DGKG: variants seen among roughly 807,000 people sequenced by gnomAD.
DGKG encodes the protein diacylglycerol kinase gamma.
Under a neutral mutation model 105.3 loss-of-function variants are expected in DGKG, and 78 were observed. That is an observed-to-expected ratio of 0.74 (90% CI 0.62 to 0.89). DGKG has a LOEUF of 0.89. Ranked by LOEUF, DGKG falls within the 40% of genes least tolerant of loss-of-function variation. DGKG has a pLI of 0.00. For missense variants in DGKG, 958 were observed against 1,020.1 expected (o/e 0.94, Z 0.83); for synonymous variants, 346 against 367.1 (o/e 0.94, Z 0.66).
At chr3:186,220,096 G>T (rs749752623) in intron 20 of DGKG, among the ~76,000 whole-genome samples, 3 of 152,202 alleles carry the variant, frequency 2.0e-5, no homozygotes, top group Non-Finnish European at 4.4e-5. Flanking sequence ...GATGTGCAAT[G>T]GAATTAAATC....
Position 186,361,557 on chromosome 3 carries a change from C to T in DGKG, c.-249+389G>A, listed in dbSNP as rs979815556. Among the ~76,000 whole-genome samples, 8 of 152,204 alleles carry T rather than the reference C, an allele frequency of 5.3e-5. No individual in the cohort carries two copies. The highest frequency in any genetic ancestry group is 5.2e-4 in the Admixed American group (8 of 15,284). On this transcript the variant is annotated intron_variant, in intron 1 of 24. Transcript: ENST00000265022. The surrounding 1 kb of genome is among the most constrained non-coding windows in gnomAD (Gnocchi z 6.8). ...CAGACATTAGGAAAAGCATCTCCTG[C>T]TTCTCGGACTGCCTGGAGCGCGAAC...
At chr3:186,308,738 C>G (rs1186597326) in intron 2 of DGKG, among the ~76,000 whole-genome samples, 1 of 152,302 alleles carries the variant, frequency 6.6e-6, no homozygotes, top group East Asian at 1.9e-4. Context: ...CAGATGCTGT[C>G]AATTTGGGCT....
chr3:186,175,690 C>A (rs1421791926), intron 22 of DGKG, among the ~76,000 whole-genome samples: 1 of 152,146 alleles, frequency 6.6e-6, no homozygotes, highest in Non-Finnish European at 1.5e-5. Flanking sequence ...GTGCTGGGCA[C>A]AGACTCCGCA....
chr3:186,358,376 C>G (rs1727076662), intron 1 of DGKG, among the ~76,000 whole-genome samples: 1 of 152,222 alleles, frequency 6.6e-6, no homozygotes, highest in Non-Finnish European at 1.5e-5. Flanking sequence ...AAATTGATCT[C>G]AGAGTGGGAG....
chr3:186,326,573 C>T (rs1411994908), intron 1 of DGKG, among the ~76,000 whole-genome samples: 1 of 152,092 alleles, frequency 6.6e-6, no homozygotes, highest in Non-Finnish European at 1.5e-5. Flanking sequence ...TAACTATCTT[C>T]TCTAACAAGC....
rs2276795 is a variant in DGKG at position 186,260,325 on chromosome 3, G to A, written c.1424+114C>T. On this transcript the variant is annotated intron_variant, in intron 16 of 24. Coordinates refer to ENST00000265022, the MANE Select transcript of DGKG (RefSeq NM_001346.3). ...AAAAGCAGAGAAAGGGAGTAAAATG[G>A]CAGGAAGGAACAAGTTGAGAGACGA... is the stretch of plus-strand genomic sequence containing the variant. 902 of 755,162 alleles carry A rather than the reference G, an allele frequency of 1.2e-3. 15 individuals are homozygous for A. In the East Asian group the frequency reaches 0.02, roughly 17 times the overall value. 46.8% of individuals were successfully genotyped at this position (755,162 alleles called of 1,614,324 possible).
At chr3:186,221,572 C>G (rs1719582920) in intron 20 of DGKG, among the ~76,000 whole-genome samples, 1 of 152,188 alleles carries the variant, frequency 6.6e-6, no homozygotes, top group South Asian at 2.1e-4. Flanking sequence ...CAGGAATGCT[C>G]ACTCCTGAGG....
chr3:186,299,860 A>C (rs1365081637), intron 3 of DGKG, among the ~76,000 whole-genome samples: 1 of 70,918 alleles, frequency 1.4e-5, no homozygotes, highest in African/African-American at 6.4e-5. Flanking sequence ...TTTGAGATAG[A>C]GCCTTGCTCT....
Position 186,280,762 on chromosome 3 carries a change from G to A in DGKG, c.595-18C>T. ...TCCATCTCCTAGAAAATAGCAAAGG[G>A]AGAAAATATCAAAAGGAGACAACCA... On this transcript the variant is annotated intron_variant, in intron 7 of 24. Transcript: ENST00000265022. 4 of 1,607,162 alleles carry A rather than the reference G, an allele frequency of 2.5e-6. No individual in the cohort carries two copies. The highest frequency in any genetic ancestry group is 1.3e-5 in the African/African-American group (1 of 74,904).
intron 6 of DGKG, among the ~76,000 whole-genome samples, chr3:186,287,977 T>A (rs1723146540): frequency 6.6e-6 from 1 of 152,196 alleles, no homozygotes; most frequent in African/African-American, 2.4e-5. Context: ...CATCTCCTAT[T>A]TTTTTAGAAG....
chr3:186,166,163 C>A (rs1044245821), intron 22 of DGKG, among the ~76,000 whole-genome samples: 6 of 152,212 alleles, frequency 3.9e-5, no homozygotes, highest in South Asian at 2.1e-4. Flanking sequence ...GGATGTATTC[C>A]TAGTGAAGAC....
In DGKG at chr3:186,224,377, T is replaced by C. The variant is rs189155759; in HGVS notation, c.1827-12492A>G. Among the ~76,000 whole-genome samples, 11 of 152,332 alleles carry C rather than the reference T, an allele frequency of 7.2e-5. No homozygotes were observed. In the East Asian group the frequency reaches 1.9e-3, roughly 27 times the overall value. Reference sequence around the variant, plus strand: ...GACTAAAGCATTGCCTTTGCCCATGTCCCTTAGCTTGCTACCCAAGACATC... The same window carrying C: ...GACTAAAGCATTGCCTTTGCCCATGCCCCTTAGCTTGCTACCCAAGACATC... On this transcript the variant is annotated intron_variant, in intron 20 of 24. Transcript: ENST00000265022.
intron 22 of DGKG, among the ~76,000 whole-genome samples, chr3:186,185,147 G>A (rs1462138890): frequency 2.0e-5 from 3 of 152,178 alleles, no homozygotes; most frequent in Non-Finnish European, 4.4e-5. Flanking sequence ...TGACTCCCAG[G>A]CGAATGCTTT....
chr3:186,183,307 G>A (rs1026954156), intron 22 of DGKG, among the ~76,000 whole-genome samples: 1 of 152,174 alleles, frequency 6.6e-6, no homozygotes, highest in African/African-American at 2.4e-5. Context: ...CTATGAAATA[G>A]GGATATGGAG....
intron 14 of DGKG, among the ~76,000 whole-genome samples, chr3:186,263,655 ATT>A (rs34266987): frequency 7.6e-4 from 112 of 146,614 alleles, no homozygotes; most frequent in Admixed American, 9.4e-4. Context: ...GTTCATTTGT[ATT>A]TTTTTTTTTT....
chr3:186,293,874 T>C (rs1723422713), intron 5 of DGKG, among the ~76,000 whole-genome samples: 1 of 152,220 alleles, frequency 6.6e-6, no homozygotes, highest in South Asian at 2.1e-4. Context: ...TTCTTGTTTC[T>C]GGTGAACAGG....
intron 9 of DGKG, among the ~76,000 whole-genome samples, chr3:186,278,603 A>T (rs1578767518): frequency 1.3e-5 from 2 of 152,326 alleles, no homozygotes; most frequent in Middle Eastern, 6.8e-3. Flanking sequence ...GAAGGGGGTC[A>T]TGTAGATCCT....
chr3:186,327,286 C>T (rs1320681763), intron 1 of DGKG, among the ~76,000 whole-genome samples: 1 of 151,960 alleles, frequency 6.6e-6, no homozygotes, highest in Non-Finnish European at 1.5e-5. Context: ...TTTATACTTC[C>T]TGTGTTTAGT....
At chr3:186,356,173 A>G (rs186926289) in intron 1 of DGKG, among the ~76,000 whole-genome samples, 1 of 152,222 alleles carries the variant, frequency 6.6e-6, no homozygotes. Context: ...ATTAATATCT[A>G]TGTTTAGGGA....
Sources: allele counts gnomAD v4.1 joint callset (sites outside exome capture counted in the v4.1 genomes callset), GRCh38; gene constraint gnomAD v4.1.1; non-coding constraint Gnocchi (gnomAD v3.1); transcripts MANE v1.5; gene names NCBI Gene and HGNC (gene_info 2026-07-23, HGNC 2026-07-21).